Variants in ADRM1 observed in about 807,000 individuals in gnomAD.
ADRM1 encodes the protein ADRM1 26S proteasome ubiquitin receptor, also known as proteasomal ubiquitin receptor ADRM1.
A neutral mutation model predicts 40.1 loss-of-function variants in ADRM1; 2 were observed. The ratio of observed to expected loss-of-function variants is 0.05; its 90% CI spans 0.02 to 0.16. The LOEUF (loss-of-function observed/expected upper bound fraction) is 0.16, where lower values mean the gene tolerates loss of function less well. Among genes scored for constraint, ADRM1 ranks in the 10% least tolerant of loss-of-function variants. ADRM1 has a pLI of 1.00. For missense variants in ADRM1, 467 were observed against 552.5 expected, an observed-to-expected ratio of 0.85 and a Z score of 1.55; for synonymous variants, 287 against 240.4, an observed-to-expected ratio of 1.19 and a Z score of -1.79.
intron 3 of ADRM1, among the ~76,000 whole-genome samples, chr20:62,305,118 C>T (rs1271780718): frequency 2.0e-5 from 3 of 152,232 alleles, no homozygotes; most frequent in Non-Finnish European, 4.4e-5. Context: ...AGCTTGTTGC[C>T]GTTTTTTGTG....
chr20:62,307,514 C>T lies in ADRM1; in HGVS notation c.623+62C>T, dbSNP rs116177183. 100 of 1,598,888 alleles carry T rather than the reference C, an allele frequency of 6.3e-5. No individual in the cohort carries two copies. The African/African-American group carries it at 1.2e-3, about 20-fold the overall frequency. On this transcript the variant is annotated intron_variant, in intron 6 of 9. Transcript: ENST00000253003. Reference sequence around the variant, plus strand: ...TGTTAAGGGAGGGGCAGTGGGGAATCCTGGCCCAGCACCCTGGACCCTGCG... The same window carrying T: ...TGTTAAGGGAGGGGCAGTGGGGAATTCTGGCCCAGCACCCTGGACCCTGCG...
intron 5 of ADRM1, 40 bp downstream of exon 5, chr20:62,306,774 G>T (rs1985044594): frequency 6.5e-7 from 1 of 1,542,112 alleles, no homozygotes; most frequent in Non-Finnish European, 8.8e-7. Flanking sequence ...GCTTCTGCTG[G>T]GAATGCTTTG....
Position 62,306,446 on chromosome 20 carries a change from C to T in ADRM1, c.454+126C>T, listed in dbSNP as rs528681957. On this transcript the variant is annotated intron_variant, in intron 4 of 9. Coordinates refer to ENST00000253003, the MANE Select transcript of ADRM1 (RefSeq NM_007002.4). ...TAGAAGATTCTAAAAGTTAGAGACC[C>T]TGTGAGCTCCCTGGGTCACTCCCCA... 3.5e-5 allele frequency: 52 copies of T among 1,500,674 alleles called. No individual in the cohort carries two copies. The African/African-American group carries it at 6.0e-4, about 17-fold the overall frequency. 93.0% of individuals were successfully genotyped at this position (1,500,674 alleles called of 1,614,324 possible). A position where few individuals can be genotyped will look rare whatever the true frequency, so the allele number is the denominator to read the frequency against.
intron 3 of ADRM1, chr20:62,305,483 C>T (rs967712354): frequency 1.3e-5 from 2 of 152,280 alleles, no homozygotes; most frequent in Non-Finnish European, 2.9e-5. Context: ...CACAATTTGC[C>T]ACCTGCTGGT....
At chr20:62,308,276 A>G (rs1985450522) in intron 8 of ADRM1, 92 bp from the exon 9 acceptor site, 20 of 1,537,992 alleles carry the variant, frequency 1.3e-5, no homozygotes, top group Non-Finnish European at 1.8e-5. Flanking sequence ...CCAGTGCTTC[A>G]TGTGCCTGAC....
intron 3 of ADRM1, among the ~76,000 whole-genome samples, chr20:62,304,955 C>T (rs1274604166): frequency 1.3e-5 from 2 of 152,228 alleles, no homozygotes; most frequent in African/African-American, 4.8e-5. Flanking sequence ...AACGAAGCAT[C>T]CTGCTCACAC....
Position 62,308,790 on chromosome 20 carries a change from C to CGCTT in ADRM1, c.*32_*35dup, listed in dbSNP as rs763220941. The stretch of plus-strand genomic sequence containing the variant: ...ACGCGCCGTCCTCCGAGGAACTGGG[C>CGCTT]GCTTGCAGTGCGTTGCACACCCTCA... On this transcript the variant is annotated 3_prime_UTR_variant, in exon 10 of 10. Transcript: ENST00000253003. The CGCTT allele has an allele frequency of 1.9e-6, 3 of 1,610,866 alleles. No homozygotes were observed. The highest frequency in any genetic ancestry group is 2.5e-6 in the Non-Finnish European group (3 of 1,179,158).
rs750525006 is a variant in ADRM1, at chr20:62,307,658, C to T, written c.686C>T (p.Pro229Leu). 23 of 1,612,174 alleles carry T rather than the reference C, an allele frequency of 1.4e-5. No individual in the cohort carries two copies. The highest frequency in any genetic ancestry group is 5.0e-5 in the Admixed American group (3 of 59,990). Residue 229 changes from proline to leucine, a missense_variant, in exon 7 of 10, where the codon CCA becomes CTA. Pro to Leu is a moderately conservative substitution (Grantham distance 98). Coordinates refer to ENST00000253003, the MANE Select transcript of ADRM1 (RefSeq NM_007002.4). ...ACCACCTCTTCCACCCGTGCCACCC[C>T]AGCCCCTTCTGCTCCAGCAGCTGCC... The part of the protein sequence containing the change: ...SSTTSSTRAT[P>L]APSAPAAASA...
In ADRM1 at chr20:62,303,028, A is replaced by G. The variant is rs1416671182; in HGVS notation, c.-23A>G. 1.3e-5 allele frequency: 2 copies of G among 151,860 alleles called. No homozygotes were observed. The highest frequency in any genetic ancestry group is 2.9e-5 in the Non-Finnish European group (2 of 67,944). 9.4% of individuals were successfully genotyped at this position (151,860 alleles called of 1,614,324 possible). ...GAGCGAGCCCGGACGGCGCCTCTCG[A>G]ACGAGTGTGGGCGCGAGGCAGGTGC... On this transcript the variant is annotated 5_prime_UTR_variant, in exon 1 of 10. Transcript: ENST00000253003.
At chr20:62,304,724 C>A in intron 3 of ADRM1, 147 bp downstream of exon 3, 1 of 764,096 alleles carries the variant, frequency 1.3e-6, no homozygotes, top group Non-Finnish European at 2.2e-6. Flanking sequence ...CTCAGGGCTG[C>A]GGTGCATGCT....
intron 4 of ADRM1, 118 bp downstream of exon 4, chr20:62,306,438 TAG>T: frequency 2.6e-6 from 4 of 1,547,648 alleles, no homozygotes; most frequent in Non-Finnish European, 3.5e-6. Flanking sequence ...TTCTAAAAGT[TAG>T]AGACCCTGTG....
At chr20:62,307,924 T>TG in intron 7 of ADRM1, 96 bp downstream of exon 7, 1 of 1,546,000 alleles carries the variant, frequency 6.5e-7, no homozygotes, top group South Asian at 1.2e-5. Flanking sequence ...TGTGCGCGCC[T>TG]GGGGTGCTGG....
intron 8 of ADRM1, 38 bp downstream of exon 8, chr20:62,308,216 CAG>C: frequency 3.2e-6 from 5 of 1,580,380 alleles, no homozygotes; most frequent in Non-Finnish European, 4.3e-6. Flanking sequence ...ACTGTGTGCT[CAG>C]GGAGTGGGCA....
In ADRM1 at chr20:62,308,748, T is replaced by A; in HGVS notation, c.1211T>A (p.Met404Lys). ...GACAAGAAGGACGAAGAGGAGGACA[T>A]GAGCCTGGACTGAGCCACGCGCCGT... Reference protein sequence around the residue: ...TKDKKDEEEDMSLD With the variant: ...TKDKKDEEEDKSLD Residue 404 changes from methionine (M) to lysine (K), a missense_variant, in exon 10 of 10, where the codon ATG becomes AAG. By Grantham distance (95) the Met-to-Lys change is moderately conservative. Transcript: ENST00000253003. The A allele has an allele frequency of 6.2e-7, 1 of 1,612,912 alleles. No individual in the cohort carries two copies. Among genetic ancestry groups the A allele is most frequent in the East Asian group, 2.2e-5 (1 of 44,888 alleles).
rs954138854 is a variant in ADRM1 at position 62,306,134 on chromosome 20, G to A, written c.331-63G>A. Reference sequence around the variant, plus strand: ...TCACCTGGAAGCCAGGTCAGAGGATGGCTGTGGTGGCCCTGGGTGAGCTGG... The same window carrying A: ...TCACCTGGAAGCCAGGTCAGAGGATAGCTGTGGTGGCCCTGGGTGAGCTGG... On this transcript the variant is annotated intron_variant, in intron 3 of 9. Coordinates refer to ENST00000253003, the MANE Select transcript of ADRM1 (RefSeq NM_007002.4). 4.5e-6 allele frequency: 7 copies of A among 1,570,648 alleles called. No individual in the cohort carries two copies. In the South Asian group the frequency reaches 5.9e-5, roughly 13 times the overall value.
Position 62,307,447 on chromosome 20 carries a change from C to G in ADRM1, c.618C>G (p.Ser206=), listed in dbSNP as rs758415605. Residue 206 remains serine, a synonymous_variant, in exon 6 of 10, where the codon TCC becomes TCG. Transcript: ENST00000253003. ...GTGGGCCTCCAGGGAGCAGCTCCTC[C>G]TCCAGGTGAGCCTCATCGCTCCTGC... The part of the protein sequence containing the change: ...GSSGPPGSSS[S]SSSRSQSAAV... The G allele has an allele frequency of 6.2e-7, 1 of 1,609,238 alleles. No individual in the cohort carries two copies. Among genetic ancestry groups the G allele is most frequent in the South Asian group, 1.1e-5 (1 of 90,904 alleles).
chr20:62,307,523 G>C, intron 6 of ADRM1, 71 bp downstream of exon 6: 2 of 1,598,656 alleles, frequency 1.3e-6, no homozygotes, highest in Non-Finnish European at 1.7e-6. Flanking sequence ...TCCTGGCCCA[G>C]CACCCTGGAC....
rs1486470642 is a variant in ADRM1, at chr20:62,306,325, C to T, written c.454+5C>T. On this transcript the variant is annotated splice_donor_5th_base_variant and intron_variant, in intron 4 of 9. Transcript: ENST00000253003. ...ACGAACTCTCTGCGCTAGGCGGTAA[C>T]TGTCACATGTGTCACGTGAGCTCAG... is the stretch of plus-strand genomic sequence containing the variant. The T allele has an allele frequency of 1.9e-6, 3 of 1,612,764 alleles. No individual in the cohort carries two copies. Among genetic ancestry groups the T allele is most frequent in the Non-Finnish European group, 2.5e-6 (3 of 1,179,866 alleles).
chr20:62,303,272 G>A, intron 1 of ADRM1: 1 of 250,816 alleles, frequency 4.0e-6, no homozygotes, highest in Non-Finnish European at 7.6e-6. Context: ...GGGCGGGTCT[G>A]CCCCGCGGAG....
Sources: gnomAD v4.1 joint callset for allele counts (sites outside exome capture counted in the v4.1 genomes callset) on GRCh38, gnomAD v4.1.1 for gene constraint, MANE v1.5 for transcripts, NCBI Gene and HGNC (gene_info 2026-07-23, HGNC 2026-07-21) for gene names.